Variants in VKORC1L1 observed in about 807,000 individuals in gnomAD.
VKORC1L1 encodes vitamin K epoxide reductase complex subunit 1L1.
In VKORC1L1, 2 loss-of-function variants were observed where a neutral mutation model predicts 18.9. The ratio of observed to expected loss-of-function variants is 0.11; its 90% CI spans 0.04 to 0.33. The LOEUF (loss-of-function observed/expected upper bound fraction) is 0.33. Ranked by LOEUF, VKORC1L1 falls within the 10% of genes least tolerant of loss-of-function variation. The pLI is 1.00. For missense variants in VKORC1L1, 123 were observed against 224.1 expected, an observed-to-expected ratio of 0.55 and a Z score of 2.88; for synonymous variants, 96 against 100.0, an observed-to-expected ratio of 0.96 and a Z score of 0.24.
chr7:65,958,917 G>A lies in VKORC1L1; in HGVS notation c.*4617G>A, dbSNP rs1004588049. The A allele has an allele frequency of 1.2e-4, 18 of 152,300 alleles. No individual in the cohort carries two copies. Among genetic ancestry groups the A allele is most frequent in the African/African-American group, 3.9e-4 (16 of 41,542 alleles). 9.4% of individuals were successfully genotyped at this position (152,300 alleles called of 1,614,324 possible). On this transcript the variant is annotated 3_prime_UTR_variant, in exon 3 of 3. Transcript: ENST00000360768. ...TATAATCCTCTAAAAAGGTAGCATCGGCAAGAAAGATGAATCCGTTGGAAA... is the reference window on the plus strand; with the variant it reads ...TATAATCCTCTAAAAAGGTAGCATCAGCAAGAAAGATGAATCCGTTGGAAA...
At chr7:65,910,224 CATT>C (rs1253487283) in intron 1 of VKORC1L1, among the ~76,000 whole-genome samples, 1 of 152,102 alleles carries the variant, frequency 6.6e-6, no homozygotes, top group African/African-American at 2.4e-5. Context: ...TTAATATGAA[CATT>C]ATTTTAACAT....
At chr7:65,872,344 A>G (rs563071333), upstream of VKORC1L1, among the ~76,000 whole-genome samples, 354 of 146,828 alleles carry the variant, frequency 2.4e-3, 4 homozygotes, top group Middle Eastern at 0.021. Flanking sequence ...TGAGACTCTT[A>G]CTCTATCGCC....
intron 1 of VKORC1L1, among the ~76,000 whole-genome samples, chr7:65,946,769 A>G (rs1790125250): frequency 6.6e-6 from 1 of 152,168 alleles, no homozygotes; most frequent in Non-Finnish European, 1.5e-5. Context: ...TGCACACAGT[A>G]CATGCTCAAT....
chr7:65,916,505 T>C (rs1335042426), intron 1 of VKORC1L1, among the ~76,000 whole-genome samples: 1 of 152,122 alleles, frequency 6.6e-6, no homozygotes, highest in African/African-American at 2.4e-5. Flanking sequence ...TTCTCTGAGC[T>C]CAGAGTCCTA....
At position 65,958,102 on chromosome 7, in the gene VKORC1L1, A is replaced by G. The variant is rs1790329657; in HGVS notation, c.*3802A>G. ...GTGTCTTTTTCTCTAACACACAGTCATGGGTGAAACATTTCAGACACCTCA... is the reference window on the plus strand; with the variant it reads ...GTGTCTTTTTCTCTAACACACAGTCGTGGGTGAAACATTTCAGACACCTCA... On this transcript the variant is annotated 3_prime_UTR_variant, in exon 3 of 3. Transcript: ENST00000360768. The G allele has an allele frequency of 1.3e-5, 2 of 152,214 alleles. No individual in the cohort carries two copies. The highest frequency in any genetic ancestry group is 3.9e-4 in the East Asian group (2 of 5,192). 9.4% of individuals were successfully genotyped at this position (152,214 alleles called of 1,614,324 possible). A position where few individuals can be genotyped will look rare whatever the true frequency, so the allele number is the denominator to read the frequency against.
intron 1 of VKORC1L1, among the ~76,000 whole-genome samples, chr7:65,932,955 G>A (rs1454006678): frequency 6.6e-6 from 1 of 151,968 alleles, no homozygotes; most frequent in South Asian, 2.1e-4. Context: ...GCAGGTGCCT[G>A]TAATCCCAGC....
chr7:65,884,588 G>T (rs755874336), intron 1 of VKORC1L1, among the ~76,000 whole-genome samples: 4 of 152,190 alleles, frequency 2.6e-5, no homozygotes, highest in Admixed American at 1.3e-4. Context: ...AGTGAGCCGA[G>T]ATCATGCCAT....
At chr7:65,880,386 A>G (rs996765356) in intron 1 of VKORC1L1, among the ~76,000 whole-genome samples, 5 of 152,334 alleles carry the variant, frequency 3.3e-5, no homozygotes, top group Admixed American at 2.6e-4. Flanking sequence ...TTTGCCTTCT[A>G]AGGTGTGAGG....
At chr7:65,912,422 T>C (rs904532715) in intron 1 of VKORC1L1, among the ~76,000 whole-genome samples, 4 of 152,234 alleles carry the variant, frequency 2.6e-5, no homozygotes, top group African/African-American at 9.6e-5. Context: ...TGCATTTCAG[T>C]GCGTGTAACA....
chr7:65,944,729 C>A (rs1327291558), intron 1 of VKORC1L1, among the ~76,000 whole-genome samples: 1 of 151,876 alleles, frequency 6.6e-6, no homozygotes, highest in Non-Finnish European at 1.5e-5. Context: ...CCAGCCTGGG[C>A]AACATGATGA....
intron 1 of VKORC1L1, among the ~76,000 whole-genome samples, chr7:65,884,066 G>A (rs571873186): frequency 6.6e-6 from 1 of 152,288 alleles, no homozygotes; most frequent in East Asian, 1.9e-4. Context: ...TGTTTAAAGT[G>A]TTTGATTAAT....
chr7:65,944,976 T>C (rs1285211109), intron 1 of VKORC1L1, among the ~76,000 whole-genome samples: 1 of 151,884 alleles, frequency 6.6e-6, no homozygotes, highest in African/African-American at 2.4e-5. Flanking sequence ...AGATAATATT[T>C]AGGGCTGGGT....
intron 1 of VKORC1L1, among the ~76,000 whole-genome samples, chr7:65,892,272 A>C (rs1789121519): frequency 6.6e-6 from 1 of 151,918 alleles, no homozygotes; most frequent in Admixed American, 6.6e-5. Flanking sequence ...TCTCTTCGAT[A>C]CACCAATTTC....
chr7:65,947,461 A>G (rs1362659903), intron 1 of VKORC1L1, among the ~76,000 whole-genome samples: 5 of 151,238 alleles, frequency 3.3e-5, no homozygotes, highest in African/African-American at 1.2e-4. Flanking sequence ...CGTTCAATCC[A>G]GAGTTAACAT....
chr7:65,932,429 T>C (rs1322164059), intron 1 of VKORC1L1, among the ~76,000 whole-genome samples: 1 of 152,152 alleles, frequency 6.6e-6, no homozygotes, highest in East Asian at 1.9e-4. Context: ...GGTGGTAGCT[T>C]GGAGTAATAA....
chr7:65,927,313 A>G (rs1256526150), intron 1 of VKORC1L1, among the ~76,000 whole-genome samples: 1 of 152,086 alleles, frequency 6.6e-6, no homozygotes, highest in Non-Finnish European at 1.5e-5. Context: ...AAAAATCATA[A>G]TGGGTACAAT....
Position 65,878,142 on chromosome 7 carries a change from T to C in VKORC1L1, c.194+4577T>C, listed in dbSNP as rs193006497. On this transcript the variant is annotated intron_variant, in intron 1 of 2. Coordinates refer to ENST00000360768, the MANE Select transcript of VKORC1L1 (RefSeq NM_173517.6). ...CTACCCCATTGAGATAATAAAACTT[T>C]TAGAATTAGAATAGAACCTAGGGCT... Among the ~76,000 whole-genome samples the C allele has an allele frequency of 1.3e-3, 203 of 152,184 alleles. 3 individuals are homozygous for C. In the Middle Eastern group the frequency reaches 0.024, roughly 18 times the overall value.
chr7:65,938,599 A>G (rs1169841127), intron 1 of VKORC1L1, among the ~76,000 whole-genome samples: 1 of 152,246 alleles, frequency 6.6e-6, no homozygotes, highest in Non-Finnish European at 1.5e-5. Flanking sequence ...AACAGGTCAC[A>G]TTCGAAGCTC....
At chr7:65,946,933 A>G in intron 1 of VKORC1L1, among the ~76,000 whole-genome samples, 1 of 152,100 alleles carries the variant, frequency 6.6e-6, no homozygotes, top group Admixed American at 6.6e-5. Context: ...CCAGTACTTC[A>G]AGACCAGCCT....
Sources: allele counts gnomAD v4.1 joint callset (sites outside exome capture counted in the v4.1 genomes callset), GRCh38; gene constraint gnomAD v4.1.1; transcripts MANE v1.5; gene names NCBI Gene and HGNC (gene_info 2026-07-23, HGNC 2026-07-21).